RAP1B: variants seen among roughly 807,000 people sequenced by gnomAD.
The protein encoded by RAP1B is ras-related protein Rap-1b.
A neutral mutation model predicts 27.5 loss-of-function variants in RAP1B; 1 was observed. The observed-to-expected ratio is 0.04, with a 90% CI of 0.01 to 0.17. The LOEUF (loss-of-function observed/expected upper bound fraction) is 0.17. RAP1B is among the 10% of genes least tolerant of loss of function. RAP1B has a pLI of 1.00. For synonymous variants in RAP1B, 75 were observed against 73.1 expected (o/e 1.03, Z -0.13); for missense variants, 84 against 214.8 (o/e 0.39, Z 3.81).
At position 68,640,741 on chromosome 12, in the gene RAP1B, TAGGA is replaced by T. The variant is rs1039081450; in HGVS notation, c.-26-7955_-26-7952del. The stretch of plus-strand genomic sequence containing the variant: ...ATCAGTAATATCTACAGTTGAATCT[TAGGA>T]AGAATGTTATAGGCAATCCAGAATG... On this transcript the variant is annotated intron_variant, in intron 1 of 7. Transcript: ENST00000250559. 1.1e-4 allele frequency among the ~76,000 whole-genome samples: 16 copies of T among 152,188 alleles called. 1 individual carries two copies. Among genetic ancestry groups the T allele is most frequent in the Admixed American group, 2.6e-4 (4 of 15,270 alleles).
In RAP1B at chr12:68,662,033, T is replaced by TATTA. The variant is rs1491484545; in HGVS notation, c.*2784_*2785insATTA. 1 of 131,970 alleles carries TATTA rather than the reference T, an allele frequency of 7.6e-6. No individual in the cohort carries two copies. The highest frequency in any genetic ancestry group is 7.6e-5 in the Admixed American group (1 of 13,222). 8.2% of individuals were successfully genotyped at this position (131,970 alleles called of 1,614,324 possible). On this transcript the variant is annotated 3_prime_UTR_variant, in exon 8 of 8. Transcript: ENST00000250559. ...CTATATATATATATATATATATATA[T>TATTA]TATATATAGTACATATATAGAGAGA...
chr12:68,645,655 T>C (rs1873351654), intron 1 of RAP1B, among the ~76,000 whole-genome samples: 1 of 152,240 alleles, frequency 6.6e-6, no homozygotes, highest in Non-Finnish European at 1.5e-5. Flanking sequence ...AGAGTTGTCT[T>C]TTCTGCAAAA....
intron 1 of RAP1B, among the ~76,000 whole-genome samples, chr12:68,637,599 C>CAAAAAAAAAAAAA (rs58656248): frequency 8.5e-4 from 29 of 34,258 alleles, no homozygotes; most frequent in South Asian, 1.7e-3. Flanking sequence ...AACTCCATCT[C>CAAAAAAAAAAAAA]AAAAAAAAAA....
intron 1 of RAP1B, among the ~76,000 whole-genome samples, chr12:68,644,400 G>A (rs1274052146): frequency 1.3e-5 from 2 of 152,120 alleles, no homozygotes; most frequent in East Asian, 2.0e-4. Context: ...GGCTAACGCG[G>A]TGAAACCCCG....
At chr12:68,617,073 C>A (rs542288257) in intron 1 of RAP1B, among the ~76,000 whole-genome samples, 2 of 152,220 alleles carry the variant, frequency 1.3e-5, no homozygotes, top group African/African-American at 2.4e-5. Context: ...TTATAATTAT[C>A]TGTGTATTCT....
intron 6 of RAP1B, 33 bp from the exon 7 acceptor site, chr12:68,657,068 C>T (rs1874257498): frequency 1.9e-6 from 3 of 1,554,856 alleles, no homozygotes; most frequent in East Asian, 2.2e-5. Context: ...AGGTGTTCCT[C>T]CTGTAAATTA....
chr12:68,636,758 A>G (rs1048994851), intron 1 of RAP1B, among the ~76,000 whole-genome samples: 6 of 151,980 alleles, frequency 3.9e-5, no homozygotes, highest in South Asian at 2.1e-4. Flanking sequence ...TGTTCAAGCA[A>G]TTCTCCTGCC....
At chr12:68,647,741 G>T (rs1873532449) in intron 1 of RAP1B, among the ~76,000 whole-genome samples, 1 of 152,074 alleles carries the variant, frequency 6.6e-6, no homozygotes, top group African/African-American at 2.4e-5. Flanking sequence ...GGTTGGCTTT[G>T]GGATGTGTCT....
chr12:68,616,265 G>GT (rs1315920287), intron 1 of RAP1B, among the ~76,000 whole-genome samples: 3 of 148,846 alleles, frequency 2.0e-5, no homozygotes, highest in Non-Finnish European at 3.0e-5. Context: ...CCCGGCCTTT[G>GT]TTTTTTTGTT....
intron 1 of RAP1B, among the ~76,000 whole-genome samples, chr12:68,622,957 T>A (rs570579589): frequency 6.6e-6 from 1 of 152,308 alleles, no homozygotes; most frequent in African/African-American, 2.4e-5. Context: ...TGCCTCAGAC[T>A]CCCAAAGTGC....
Position 68,670,500 on chromosome 12 carries a change from A to AGTGT in RAP1B, c.*11262_*11265dup. The AGTGT allele has an allele frequency of 6.6e-6, 1 of 151,956 alleles. No individual in the cohort carries two copies. Among genetic ancestry groups the AGTGT allele is most frequent in the East Asian group, 1.9e-4 (1 of 5,174 alleles). The allele number at this position is 151,956 out of a possible 1,614,324, so 9.4% of individuals were successfully genotyped here. A position where few individuals can be genotyped will look rare whatever the true frequency, so the allele number is the denominator to read the frequency against. On this transcript the variant is annotated 3_prime_UTR_variant, in exon 8 of 8. Transcript: ENST00000250559. ...AGATATATATTTCAAGTAAATAATAAGTGTGTGTGTGTGTACACACAGATG... is the reference window on the plus strand; with the variant it reads ...AGATATATATTTCAAGTAAATAATAAGTGTGTGTGTGTGTGTGTACACACAGATG...
chr12:68,615,146 A>G (rs904785276), intron 1 of RAP1B, among the ~76,000 whole-genome samples: 23 of 152,320 alleles, frequency 1.5e-4, no homozygotes, highest in African/African-American at 4.3e-4. Context: ...ACATTGGACT[A>G]TTTATTCCTA....
chr12:68,617,858 G>A (rs969763186), intron 1 of RAP1B, among the ~76,000 whole-genome samples: 2 of 151,962 alleles, frequency 1.3e-5, no homozygotes, highest in Non-Finnish European at 2.9e-5. Context: ...CAACCTCCCA[G>A]ATTCAAGCCA....
intron 1 of RAP1B, chr12:68,627,253 T>C: frequency 9.7e-6 from 11 of 1,136,738 alleles, no homozygotes; most frequent in Non-Finnish European, 1.3e-5. Context: ...CAGGGTCCCT[T>C]AGAGCAACCC....
intron 1 of RAP1B, among the ~76,000 whole-genome samples, chr12:68,638,535 A>G (rs1254957105): frequency 6.6e-6 from 1 of 152,146 alleles, no homozygotes; most frequent in Non-Finnish European, 1.5e-5. Context: ...ATTGTTTTTG[A>G]AAGATAATGA....
chr12:68,639,084 G>C (rs780515461), intron 1 of RAP1B, among the ~76,000 whole-genome samples: 8 of 152,190 alleles, frequency 5.3e-5, no homozygotes, highest in Non-Finnish European at 1.2e-4. Context: ...GTCAAAAACT[G>C]CTGGACCAGG....
chr12:68,640,639 A>G (rs1325210483), intron 1 of RAP1B, among the ~76,000 whole-genome samples: 1 of 152,208 alleles, frequency 6.6e-6, no homozygotes, highest in African/African-American at 2.4e-5. Flanking sequence ...TTTCTTTTTA[A>G]TACATAAATT....
intron 1 of RAP1B, among the ~76,000 whole-genome samples, chr12:68,623,498 T>A (rs1368027435): frequency 6.6e-6 from 1 of 152,148 alleles, no homozygotes; most frequent in African/African-American, 2.4e-5. Context: ...ATTTTTGGAT[T>A]TCAGAATTTT....
chr12:68,616,272 TG>T (rs1421747759), intron 1 of RAP1B, among the ~76,000 whole-genome samples: 2 of 150,436 alleles, frequency 1.3e-5, no homozygotes, highest in African/African-American at 4.9e-5. Flanking sequence ...TTTGTTTTTT[TG>T]TTGTTGTTGT....
Sources: gnomAD v4.1 joint callset for allele counts (sites outside exome capture counted in the v4.1 genomes callset) on GRCh38, gnomAD v4.1.1 for gene constraint, MANE v1.5 for transcripts, NCBI Gene and HGNC (gene_info 2026-07-23, HGNC 2026-07-21) for gene names.